Variants in PTK2B observed in about 807,000 individuals in gnomAD.
PTK2B encodes protein-tyrosine kinase 2-beta.
A neutral mutation model predicts 142.9 loss-of-function variants in PTK2B; 71 were observed. That is an observed-to-expected ratio of 0.50 (90% CI 0.41 to 0.61). The LOEUF (loss-of-function observed/expected upper bound fraction) is 0.61. PTK2B is among the 20% of genes least tolerant of loss of function. The pLI is 0.00. For missense variants in PTK2B, 1,105 were observed against 1,320.4 expected, an observed-to-expected ratio of 0.84 and a Z score of 2.53; for synonymous variants, 519 against 503.4, an observed-to-expected ratio of 1.03 and a Z score of -0.42.
intron 19 of PTK2B, 84 bp downstream of exon 19, chr8:27,439,215 A>T: frequency 1.3e-6 from 2 of 1,564,736 alleles, no homozygotes; most frequent in Non-Finnish European, 1.8e-6. Context: ...CTACAGTTGG[A>T]CAGCCCAGGC....
Position 27,383,961 on chromosome 8 carries a change from G to A in PTK2B, c.-37-13587G>A, listed in dbSNP as rs111722883. On this transcript the variant is annotated intron_variant, in intron 1 of 30. Coordinates refer to ENST00000346049, the MANE Select transcript of PTK2B (RefSeq NM_173176.3). Reference sequence around the variant, plus strand: ...CCTCCCAGGTTCAAGCGATTCTCCTGCCTCAGCCTCCCGAGTAGCTGGGAT... The same window carrying A: ...CCTCCCAGGTTCAAGCGATTCTCCTACCTCAGCCTCCCGAGTAGCTGGGAT... Among the ~76,000 whole-genome samples the A allele has an allele frequency of 8.6e-3, 1,302 of 151,806 alleles. 16 individuals are homozygous for A. The highest frequency in any genetic ancestry group is 0.03 in the African/African-American group (1,261 of 41,402).
At chr8:27,410,807 G>A (rs1809013031) in intron 2 of PTK2B, among the ~76,000 whole-genome samples, 1 of 152,196 alleles carries the variant, frequency 6.6e-6, no homozygotes, top group Non-Finnish European at 1.5e-5. Flanking sequence ...TGACCTATAG[G>A]AAGAAAGGCC....
At chr8:27,331,804 G>C (rs1255545192) in intron 1 of PTK2B, among the ~76,000 whole-genome samples, 2 of 152,128 alleles carry the variant, frequency 1.3e-5, no homozygotes, top group Non-Finnish European at 2.9e-5. Context: ...ACTGATTTAG[G>C]GTTTCTGATT....
chr8:27,411,382 C>A (rs367863049), intron 2 of PTK2B, among the ~76,000 whole-genome samples: 2 of 152,170 alleles, frequency 1.3e-5, no homozygotes, highest in Non-Finnish European at 2.9e-5. Context: ...TGGCCACCCC[C>A]CTGAATTCAC....
chr8:27,397,158 T>C lies in PTK2B; in HGVS notation c.-37-390T>C, dbSNP rs1808101985. On this transcript the variant is annotated intron_variant, in intron 1 of 30. Coordinates refer to ENST00000346049, the MANE Select transcript of PTK2B (RefSeq NM_173176.3). ...TCCTCTCCTGCTATTTTCTACTGTC[T>C]CACTCTTTGCTTTTTCTGCTCAGCT... Among the ~76,000 whole-genome samples, 5 of 152,312 alleles carry C rather than the reference T, an allele frequency of 3.3e-5. No homozygotes were observed. The South Asian group carries it at 1.0e-3, about 32-fold the overall frequency.
chr8:27,434,448 G>A, intron 12 of PTK2B, 65 bp from the exon 13 acceptor site: 1 of 1,526,208 alleles, frequency 6.6e-7, no homozygotes, highest in Non-Finnish European at 8.9e-7. Context: ...GGCGGGCCGA[G>A]GCTGCCCAGG....
At chr8:27,426,239 T>C (rs1810075585) in intron 5 of PTK2B, among the ~76,000 whole-genome samples, 2 of 152,238 alleles carry the variant, frequency 1.3e-5, no homozygotes. Context: ...AGTAACCAAC[T>C]GGATTTGGTT....
intron 1 of PTK2B, among the ~76,000 whole-genome samples, chr8:27,358,633 G>A (rs1038865884): frequency 6.6e-6 from 1 of 151,964 alleles, no homozygotes; most frequent in African/African-American, 2.4e-5. Context: ...CTTTTAACAG[G>A]CAATTTAAGC....
intron 1 of PTK2B, among the ~76,000 whole-genome samples, chr8:27,368,997 C>T (rs1806183050): frequency 1.3e-5 from 2 of 152,214 alleles, no homozygotes; most frequent in African/African-American, 4.8e-5. Context: ...CTGTTCTAAC[C>T]TTGTTCCCTC....
At chr8:27,346,240 A>C (rs1037253879) in intron 1 of PTK2B, among the ~76,000 whole-genome samples, 1 of 152,208 alleles carries the variant, frequency 6.6e-6, no homozygotes, top group Non-Finnish European at 1.5e-5. Context: ...TTTTCTTAAA[A>C]GTACTTGCTT....
At chr8:27,347,867 C>T (rs1213728214) in intron 1 of PTK2B, among the ~76,000 whole-genome samples, 1 of 152,216 alleles carries the variant, frequency 6.6e-6, no homozygotes, top group Non-Finnish European at 1.5e-5. Context: ...ACCCCACTAC[C>T]TCTTGCCTTC....
At chr8:27,408,895 G>A (rs1808886867) in intron 2 of PTK2B, among the ~76,000 whole-genome samples, 1 of 152,182 alleles carries the variant, frequency 6.6e-6, no homozygotes, top group African/African-American at 2.4e-5. Flanking sequence ...AGTTCTGGAG[G>A]CTAGAAATTA....
intron 24 of PTK2B, among the ~76,000 whole-genome samples, chr8:27,448,746 C>T (rs1811629510): frequency 6.6e-6 from 1 of 152,226 alleles, no homozygotes; most frequent in African/African-American, 2.4e-5. Context: ...CACTTAGTTC[C>T]TGTTTGTCAC....
upstream of PTK2B, chr8:27,310,791 C>T: frequency 6.4e-7 from 1 of 1,572,692 alleles, no homozygotes; most frequent in East Asian, 2.3e-5. Context: ...GTGCAAATCG[C>T]TGCTCTTACC....
At chr8:27,342,069 G>A (rs934500141) in intron 1 of PTK2B, among the ~76,000 whole-genome samples, 2 of 152,166 alleles carry the variant, frequency 1.3e-5, no homozygotes, top group East Asian at 3.9e-4. Context: ...GGTTGCAAGT[G>A]ATGTGGACGC....
intron 22 of PTK2B, 30 bp downstream of exon 22, chr8:27,443,013 G>A (rs756080276): frequency 1.3e-6 from 2 of 1,569,608 alleles, no homozygotes; most frequent in South Asian, 2.2e-5. Flanking sequence ...CATAAGTCCT[G>A]TGAGTCAAAG....
At chr8:27,426,943 T>A (rs1304301243) in intron 5 of PTK2B, among the ~76,000 whole-genome samples, 1 of 152,230 alleles carries the variant, frequency 6.6e-6, no homozygotes, top group Non-Finnish European at 1.5e-5. Flanking sequence ...AATATTTAAA[T>A]ATCCCAGTCT....
chr8:27,367,530 C>A (rs1806092130), intron 1 of PTK2B, among the ~76,000 whole-genome samples: 2 of 152,314 alleles, frequency 1.3e-5, no homozygotes, highest in East Asian at 3.9e-4. Context: ...CAGTCCCCAG[C>A]AAATGCAGTG....
intron 2 of PTK2B, among the ~76,000 whole-genome samples, chr8:27,414,598 C>T (rs1809273313): frequency 9.7e-5 from 1 of 10,356 alleles, no homozygotes; most frequent in Admixed American, 4.7e-4. Flanking sequence ...GTTTCTCTCT[C>T]TCTCTCTCTG....
Sources: allele counts gnomAD v4.1 joint callset (sites outside exome capture counted in the v4.1 genomes callset), GRCh38; gene constraint gnomAD v4.1.1; transcripts MANE v1.5; gene names NCBI Gene and HGNC (gene_info 2026-07-23, HGNC 2026-07-21).